Variants in DEFB129 observed in about 807,000 individuals in gnomAD.
The protein encoded by DEFB129 is defensin beta 129, also known as beta-defensin 129.
In DEFB129, 2 loss-of-function variants were observed where a neutral mutation model predicts 2.5. The observed-to-expected ratio is 0.80, with a 90% CI of 0.33 to 2.53. The LOEUF (loss-of-function observed/expected upper bound fraction) is 2.53. Ranked by LOEUF, DEFB129 falls within the 30% of genes most tolerant of loss-of-function variation. DEFB129 has a pLI of 0.11. For missense variants in DEFB129, 177 were observed against 216.9 expected (o/e 0.82, Z 1.16); for synonymous variants, 76 against 74.4 (o/e 1.02, Z -0.11).
chr20:227,416 G>A lies in DEFB129; in HGVS notation c.58+70G>A, dbSNP rs1004227000. The stretch of plus-strand genomic sequence containing the variant: ...AAGGATTTGGCTGCCCATGACAATG[G>A]AAACCCAAAGAGAGGAGACTGAAAG... On this transcript the variant is annotated intron_variant, in intron 1 of 1. Transcript: ENST00000246105. The A allele has an allele frequency of 3.9e-6, 6 of 1,541,624 alleles. No homozygotes were observed. The African/African-American group carries it at 8.2e-5, about 21-fold the overall frequency.
intron 1 of DEFB129, among the ~76,000 whole-genome samples, chr20:228,851 C>G (rs1356437732): frequency 6.6e-6 from 1 of 152,132 alleles, no homozygotes; most frequent in Non-Finnish European, 1.5e-5. Flanking sequence ...AAAGATAAGA[C>G]TCCTGAAAAT....
At chr20:229,148 A>G in intron 1 of DEFB129, 130 bp from the exon 2 acceptor site, 1 of 1,252,338 alleles carries the variant, frequency 8.0e-7, no homozygotes, top group Non-Finnish European at 1.1e-6. Flanking sequence ...CTTCATCAAC[A>G]TTCCTAAACA....
intron 1 of DEFB129, among the ~76,000 whole-genome samples, chr20:228,813 A>G (rs1044899975): frequency 2.6e-5 from 4 of 152,322 alleles, no homozygotes; most frequent in South Asian, 2.1e-4. Flanking sequence ...TTGAGAAGAG[A>G]GAAGTCATGG....
At chr20:227,619 G>T (rs2011295551) in intron 1 of DEFB129, among the ~76,000 whole-genome samples, 1 of 152,038 alleles carries the variant, frequency 6.6e-6, no homozygotes, top group Non-Finnish European at 1.5e-5. Flanking sequence ...CTGCCTTCCT[G>T]CCCTGTATAT....
intron 1 of DEFB129, 149 bp from the exon 2 acceptor site, chr20:229,129 C>A (rs1247590845): frequency 9.0e-6 from 9 of 1,002,096 alleles, no homozygotes; most frequent in Non-Finnish European, 1.3e-5. Context: ...TCTCAGCCTG[C>A]CCATTTGCCT....
intron 1 of DEFB129, among the ~76,000 whole-genome samples, 174 bp downstream of exon 1, chr20:227,520 T>C (rs2011294417): frequency 2.0e-5 from 3 of 152,186 alleles, no homozygotes; most frequent in South Asian, 2.1e-4. Flanking sequence ...AGGCCCCAAC[T>C]GCCAGATTGT....
At chr20:228,299 C>G (rs1410284673) in intron 1 of DEFB129, among the ~76,000 whole-genome samples, 1 of 151,994 alleles carries the variant, frequency 6.6e-6, no homozygotes, top group Non-Finnish European at 1.5e-5. Context: ...ATCTTGGGAC[C>G]CTAGGAAAAG....
chr20:229,324 G>A lies in DEFB129; in HGVS notation c.105G>A (p.Arg35=). 2 of 1,612,602 alleles carry A rather than the reference G, an allele frequency of 1.2e-6. No homozygotes were observed. Among genetic ancestry groups the A allele is most frequent in the Non-Finnish European group, 1.7e-6 (2 of 1,179,458 alleles). ...RRCLMGLGRC[R]DHCNVDEKEI... ...GTTTAATGGGTTTGGGGAGATGCAG[G>A]GATCACTGCAATGTGGATGAAAAAG... The change falls in exon 2 of 2, where the codon AGG becomes AGA. Residue 35 remains arginine, a synonymous_variant. Coordinates refer to ENST00000246105, the MANE Select transcript of DEFB129 (RefSeq NM_080831.4).
In DEFB129 at chr20:229,679, G is replaced by A. The variant is rs956909929; in HGVS notation, c.460G>A (p.Asp154Asn). 1 of 1,613,894 alleles carries A rather than the reference G, an allele frequency of 6.2e-7. No individual in the cohort carries two copies. The highest frequency in any genetic ancestry group is 1.7e-5 in the Admixed American group (1 of 59,966). The change falls in exon 2 of 2, where the codon GAT becomes AAT. Residue 154 changes from aspartate (D) to asparagine (N), a missense_variant. Transcript: ENST00000246105. ...CAAGAGTAACACCAAAGAAAGCAGA[G>A]ATTCTGCCACTGCCTCGCCACCACC... ...STKSNTKESR[D>N]SATASPPPAP...
intron 1 of DEFB129, 84 bp downstream of exon 1, chr20:227,430 G>A (rs2011293653): frequency 1.4e-6 from 2 of 1,481,310 alleles, no homozygotes; most frequent in Admixed American, 1.7e-5. Flanking sequence ...CCCAAAGAGA[G>A]GAGACTGAAA....
rs2011323157 is a variant in DEFB129 at position 229,886 on chromosome 20, A to G, written c.*115A>G. The G allele has an allele frequency of 7.3e-7, 1 of 1,377,182 alleles. No individual in the cohort carries two copies. The highest frequency in any genetic ancestry group is 1.5e-5 in the African/African-American group (1 of 68,446). 85.3% of individuals were successfully genotyped at this position (1,377,182 alleles called of 1,614,324 possible). ...CAATAAACACTGTTTGAGCACCTAC[A>G]GTTTATGTAATATTATCATTCTCAC... is the stretch of plus-strand genomic sequence containing the variant. On this transcript the variant is annotated 3_prime_UTR_variant, in exon 2 of 2. Transcript: ENST00000246105.
At chr20:227,819 A>G (rs949065654) in intron 1 of DEFB129, among the ~76,000 whole-genome samples, 2 of 152,040 alleles carry the variant, frequency 1.3e-5, no homozygotes, top group African/African-American at 4.8e-5. Flanking sequence ...CCCAGGATGC[A>G]TTAGCTATTT....
intron 1 of DEFB129, among the ~76,000 whole-genome samples, chr20:228,136 A>G (rs2011302330): frequency 6.6e-6 from 1 of 152,218 alleles, no homozygotes; most frequent in Admixed American, 6.5e-5. Flanking sequence ...CAGGGGATTA[A>G]CCATTGTTTT....
At chr20:227,748 A>G (rs2011298368) in intron 1 of DEFB129, among the ~76,000 whole-genome samples, 1 of 151,486 alleles carries the variant, frequency 6.6e-6, no homozygotes, top group African/African-American at 2.4e-5. Flanking sequence ...GGTTTGTTAC[A>G]TAGGTAAATG....
In DEFB129 at chr20:229,351, G is replaced by A. The variant is rs202046258; in HGVS notation, c.132G>A (p.Glu44=). The A allele has an allele frequency of 3.1e-6, 5 of 1,614,056 alleles. No individual in the cohort carries two copies. In the East Asian group the frequency reaches 8.9e-5, roughly 29 times the overall value. The change falls in exon 2 of 2, where the codon GAG becomes GAA. Residue 44 remains glutamate, a synonymous_variant. Coordinates refer to ENST00000246105, the MANE Select transcript of DEFB129 (RefSeq NM_080831.4). The part of the protein sequence containing the change: ...CRDHCNVDEK[E]IQKCKMKKCC... ...ATCACTGCAATGTGGATGAAAAAGA[G>A]ATACAGAAATGCAAGATGAAAAAAT...
intron 1 of DEFB129, among the ~76,000 whole-genome samples, chr20:228,874 C>T (rs1752167587): frequency 6.6e-6 from 1 of 152,148 alleles, no homozygotes; most frequent in African/African-American, 2.4e-5. Flanking sequence ...TATTGATTCT[C>T]TTTTGAACTT....
At chr20:228,643 C>T (rs976143417) in intron 1 of DEFB129, among the ~76,000 whole-genome samples, 3 of 152,006 alleles carry the variant, frequency 2.0e-5, no homozygotes, top group African/African-American at 4.8e-5. Context: ...GGTACTAAGC[C>T]GAGCAGGAAA....
Position 227,259 on chromosome 20 carries a change from G to T in DEFB129, c.-30G>T. The T allele has an allele frequency of 6.2e-7, 1 of 1,613,910 alleles. No homozygotes were observed. Among genetic ancestry groups the T allele is most frequent in the Non-Finnish European group, 8.5e-7 (1 of 1,179,810 alleles). Reference sequence around the variant, plus strand: ...GCTGGAGCTCAGGAGCATCAACCCAGATTCAAGGCTTCCTCTCTGGCACCC... The same window carrying T: ...GCTGGAGCTCAGGAGCATCAACCCATATTCAAGGCTTCCTCTCTGGCACCC... On this transcript the variant is annotated 5_prime_UTR_variant, in exon 1 of 2. Coordinates refer to ENST00000246105, the MANE Select transcript of DEFB129 (RefSeq NM_080831.4).
chr20:228,548 T>C (rs1189739779), intron 1 of DEFB129, among the ~76,000 whole-genome samples: 1 of 152,122 alleles, frequency 6.6e-6, no homozygotes, highest in Non-Finnish European at 1.5e-5. Context: ...GTTATTAAGA[T>C]GAACAAGGGA....
Sources: allele counts gnomAD v4.1 joint callset (sites outside exome capture counted in the v4.1 genomes callset), GRCh38; gene constraint gnomAD v4.1.1; transcripts MANE v1.5; gene names NCBI Gene and HGNC (gene_info 2026-07-23, HGNC 2026-07-21).